SSBP3: variants seen among roughly 807,000 people sequenced by gnomAD.
SSBP3 encodes the protein single stranded DNA binding protein 3, also known as single-stranded DNA-binding protein 3.
Under a neutral mutation model 69.6 loss-of-function variants are expected in SSBP3, and 5 were observed. That is an observed-to-expected ratio of 0.07 (90% confidence interval 0.04 to 0.15). The LOEUF is 0.15. SSBP3 is among the 10% of genes least tolerant of loss of function. The pLI is 1.00. For missense variants in SSBP3, 312 were observed against 534.0 expected (o/e 0.58, Z 4.10); for synonymous variants, 196 against 193.4 (o/e 1.01, Z -0.11).
chr1:54,238,736 C>T (rs897137964), intron 14 of SSBP3: 7 of 319,430 alleles, frequency 2.2e-5, no homozygotes, highest in Admixed American at 4.8e-5. Flanking sequence ...GCTGGCTCCA[C>T]CCTCAACTCC....
At position 54,359,208 on chromosome 1, in the gene SSBP3, C is replaced by CAAAA. The variant is rs56901465; in HGVS notation, c.276+42649_276+42652dup. Among the ~76,000 whole-genome samples, 50 of 75,442 alleles carry CAAAA rather than the reference C, an allele frequency of 6.6e-4. 3 individuals are homozygous for CAAAA. Among genetic ancestry groups the CAAAA allele is most frequent in the African/African-American group, 1.7e-3 (36 of 21,432 alleles). 49.5% of individuals were successfully genotyped at this position (75,442 alleles called of 152,430 possible). A position where few individuals can be genotyped will look rare whatever the true frequency, so the allele number is the denominator to read the frequency against. On this transcript the variant is annotated intron_variant, in intron 4 of 17. Transcript: ENST00000610401. Reference sequence around the variant, plus strand: ...TGAGTTGCTATAATTACCCTCCCCTCAAAAAAAAAAAAAAAAAAAAAAGCT... The same window carrying CAAAA: ...TGAGTTGCTATAATTACCCTCCCCTCAAAAAAAAAAAAAAAAAAAAAAAAAAGCT...
At chr1:54,266,187 T>C (rs1252915112) in intron 5 of SSBP3, among the ~76,000 whole-genome samples, 1 of 152,196 alleles carries the variant, frequency 6.6e-6, no homozygotes, top group Non-Finnish European at 1.5e-5. Flanking sequence ...GTGATCTCAT[T>C]GGTTCCAGGT....
At chr1:54,275,513 CT>C (rs1645268786) in intron 5 of SSBP3, among the ~76,000 whole-genome samples, 1 of 152,208 alleles carries the variant, frequency 6.6e-6, no homozygotes, top group Non-Finnish European at 1.5e-5. Flanking sequence ...CAGCATTTGG[CT>C]CAGCTTTTGG....
chr1:54,284,103 CTTTTTTTTTTTTTTT>C (rs5774181), intron 4 of SSBP3, among the ~76,000 whole-genome samples: 2 of 87,618 alleles, frequency 2.3e-5, no homozygotes, highest in Non-Finnish European at 4.2e-5. Context: ...TATTTAACCA[CTTTTTTTTTTTTTTT>C]TTTTTTTTTT....
At chr1:54,269,780 A>G (rs1645162336) in intron 5 of SSBP3, among the ~76,000 whole-genome samples, 1 of 152,240 alleles carries the variant, frequency 6.6e-6, no homozygotes, top group African/African-American at 2.4e-5. Context: ...GTGGAACAAC[A>G]GCTGGTCCAA....
rs553564768 is a variant in SSBP3, at chr1:54,316,589, C to G, written c.277-35062G>C. Among the ~76,000 whole-genome samples, 4 of 141,304 alleles carry G rather than the reference C, an allele frequency of 2.8e-5. 1 individual carries two copies. The highest frequency in any genetic ancestry group is 1.1e-4 in the African/African-American group (4 of 36,958). 92.7% of individuals were successfully genotyped at this position (141,304 alleles called of 152,430 possible). On this transcript the variant is annotated intron_variant, in intron 4 of 17. Coordinates refer to ENST00000610401, the Ensembl canonical transcript of SSBP3. ...CCGGGAAGCGGAGCTTGCAGTGAGC[C>G]GAGATTGCGCCACTGCAGTCCGCAG... is the stretch of plus-strand genomic sequence containing the variant.
intron 4 of SSBP3, among the ~76,000 whole-genome samples, chr1:54,292,355 CA>C: frequency 6.6e-6 from 1 of 152,288 alleles, no homozygotes; most frequent in East Asian, 1.9e-4. Flanking sequence ...GCTAGGTAAC[CA>C]AAAGCAAGGC....
chr1:54,346,586 G>A (rs575111676), intron 4 of SSBP3, among the ~76,000 whole-genome samples: 5 of 152,052 alleles, frequency 3.3e-5, no homozygotes, highest in African/African-American at 7.2e-5. Flanking sequence ...AGGCCAAGGC[G>A]GGTGGATCAC....
exon 11 of SSBP3, chr1:54,242,170 A>T: frequency 6.2e-7 from 1 of 1,613,464 alleles, no homozygotes; most frequent in South Asian, 1.1e-5. Context: ...TCACTGAGTT[A>T]GCACTGTTAG....
At chr1:54,235,710 C>T (rs1024927913) in intron 14 of SSBP3, among the ~76,000 whole-genome samples, 10 of 151,602 alleles carry the variant, frequency 6.6e-5, no homozygotes, top group Non-Finnish European at 8.8e-5. Flanking sequence ...GGCCTCCCAA[C>T]GTGCTCGGAT....
chr1:54,240,832 C>T (rs1644622313), intron 13 of SSBP3, 73 bp downstream of exon 13: 2 of 1,592,254 alleles, frequency 1.3e-6, no homozygotes, highest in African/African-American at 1.3e-5. Context: ...CAACAGTGCC[C>T]CTCCAGGTCT....
chr1:54,305,619 T>TTA (rs1645885223), intron 4 of SSBP3, among the ~76,000 whole-genome samples: 1 of 139,900 alleles, frequency 7.1e-6, no homozygotes, highest in Non-Finnish European at 1.5e-5. Flanking sequence ...TATTTTTCTT[T>TTA]AAAAAAAAAA....
intron 4 of SSBP3, among the ~76,000 whole-genome samples, chr1:54,399,215 G>A (rs971629450): frequency 2.6e-5 from 4 of 152,246 alleles, no homozygotes; most frequent in African/African-American, 7.2e-5. Flanking sequence ...GCTGTCGCCC[G>A]AAAGACAACC....
chr1:54,324,528 G>A (rs931917260), intron 4 of SSBP3, among the ~76,000 whole-genome samples: 8 of 151,378 alleles, frequency 5.3e-5, no homozygotes, highest in African/African-American at 1.5e-4. Context: ...ACACTCCCTC[G>A]AAAGCCTGGA....
chr1:54,243,322 G>A (rs1272044583), intron 9 of SSBP3, 23 bp from the exon 10 acceptor site: 1 of 1,614,064 alleles, frequency 6.2e-7, no homozygotes, highest in Non-Finnish European at 8.5e-7. Context: ...CCAAGGGTCA[G>A]TCTATGAGAA....
intron 4 of SSBP3, among the ~76,000 whole-genome samples, chr1:54,366,626 T>C (rs767979848): frequency 9.9e-5 from 15 of 152,218 alleles, no homozygotes; most frequent in Non-Finnish European, 1.6e-4. Context: ...TTATACCTGG[T>C]ACCAGGATGC....
chr1:54,240,083 TGTGTGCGC>T (rs753611696), intron 13 of SSBP3, among the ~76,000 whole-genome samples: 29,766 of 70,884 alleles, frequency 0.42, 3,881 homozygotes, highest in South Asian at 0.49. Context: ...TGTGTGTGTG[TGTGTGCGC>T]GCGCGCGCGT....
intron 4 of SSBP3, among the ~76,000 whole-genome samples, chr1:54,316,765 A>G (rs2100338692): frequency 6.6e-6 from 1 of 151,990 alleles, no homozygotes; most frequent in African/African-American, 2.4e-5. Flanking sequence ...ACTATAAGAA[A>G]ATACCTTCGC....
At chr1:54,301,149 G>A (rs1339819613) in intron 4 of SSBP3, among the ~76,000 whole-genome samples, 2 of 152,168 alleles carry the variant, frequency 1.3e-5, no homozygotes. Flanking sequence ...CACTCGGCAA[G>A]GTTAGGAGAA....
Sources: allele counts gnomAD v4.1 joint callset (sites outside exome capture counted in the v4.1 genomes callset), GRCh38; gene constraint gnomAD v4.1.1; transcripts MANE v1.5; gene names NCBI Gene and HGNC (gene_info 2026-07-23, HGNC 2026-07-21).